MUC4: variants seen among roughly 807,000 people sequenced by gnomAD.
The protein encoded by MUC4 is mucin 4, cell surface associated.
MUC4 carries 202 observed loss-of-function variants against 257.9 expected under a neutral mutation model. That is an observed-to-expected ratio of 0.78 (90% CI 0.70 to 0.88). The LOEUF (loss-of-function observed/expected upper bound fraction) is 0.88, where lower values mean the gene tolerates loss of function less well. Ranked by LOEUF, MUC4 falls within the 40% of genes least tolerant of loss-of-function variation. MUC4 has a pLI of 0.00. For synonymous variants in MUC4, 2,351 were observed against 2,757.1 expected, an observed-to-expected ratio of 0.85 and a Z score of 4.62; for missense variants, 5,976 against 6,513.7, an observed-to-expected ratio of 0.92 and a Z score of 2.84.
Position 195,752,678 on chromosome 3 carries a change from A to T in MUC4, c.15509-232T>A, listed in dbSNP as rs565467341. ...ACAGTGACAGAAGGTCGCTGAGCAA[A>T]CCGGGAGAAGTGGCCCTCACCCTAC... On this transcript the variant is annotated intron_variant, in intron 20 of 24. Coordinates refer to ENST00000463781, the MANE Select transcript of MUC4 (RefSeq NM_018406.7). Among the ~76,000 whole-genome samples, 7 of 152,016 alleles carry T rather than the reference A, an allele frequency of 4.6e-5. No individual in the cohort carries two copies. In the South Asian group the frequency reaches 1.5e-3, roughly 32 times the overall value.
At chr3:195,752,312 C>T (rs115471158) in intron 21 of MUC4, 61 bp downstream of exon 21, 587 of 1,415,658 alleles carry the variant, frequency 4.1e-4, no homozygotes, top group Non-Finnish European at 5.5e-4. Flanking sequence ...GCGATGGTTC[C>T]GCCCTGGCCT....
At chr3:195,759,411 G>T (rs919660363) in intron 16 of MUC4, 150 bp from the exon 17 acceptor site, 4 of 1,101,020 alleles carry the variant, frequency 3.6e-6, no homozygotes, top group Non-Finnish European at 3.9e-6. Flanking sequence ...ACCTGCTCTC[G>T]ACTGACGCAC....
In MUC4 at chr3:195,749,034, C is replaced by T. The variant is rs774101318; in HGVS notation, c.15902G>A (p.Arg5301Lys). The T allele has an allele frequency of 1.2e-6, 2 of 1,606,342 alleles. No homozygotes were observed. The highest frequency in any genetic ancestry group is 8.5e-7 in the Non-Finnish European group (1 of 1,175,438). The change falls in exon 24 of 25, where the codon AGA becomes AAA. Residue 5301 changes from arginine to lysine, a missense_variant. Arg to Lys is a conservative substitution (Grantham distance 26). Coordinates refer to ENST00000463781, the MANE Select transcript of MUC4 (RefSeq NM_018406.7). ...GTCGTAGCCCTTGTAGCCATCGCAT[C>T]TGAAGTAAGCCTTCAGCGTGCTCAC... ...LNVSTLKAYFRCDGYKGYDLV... is the reference protein window; with the variant it reads ...LNVSTLKAYFKCDGYKGYDLV...
intron 19 of MUC4, 52 bp downstream of exon 19, chr3:195,754,161 A>AG: frequency 6.4e-7 from 1 of 1,570,744 alleles, no homozygotes; most frequent in East Asian, 2.3e-5. Context: ...TACACCCTTG[A>AG]GCTATCAGCT....
Position 195,782,506 on chromosome 3 carries a change from A to G in MUC4, c.9074T>C (p.Leu3025Pro), listed in dbSNP as rs1387183073. The G allele has an allele frequency of 4.3e-6, 6 of 1,383,362 alleles. No individual in the cohort carries two copies. The highest frequency in any genetic ancestry group is 2.7e-5 in the East Asian group (1 of 37,168). The allele number at this position is 1,383,362 out of a possible 1,614,324, so 85.7% of individuals were successfully genotyped here. A position where few individuals can be genotyped will look rare whatever the true frequency, so the allele number is the denominator to read the frequency against. Residue 3025 changes from leucine (L) to proline (P), a missense_variant, in exon 2 of 25, where the codon CTT becomes CCT. Physicochemically the swap from Leu to Pro is moderately conservative, Grantham distance 98. Transcript: ENST00000463781. ...TGCTGAGGAAGGGCTGGTGACATGA[A>G]GAGGGGTGGCGTGACCTGTGGATAT... ...SSISTGHATP[L>P]HVTSPSSAST...
intron 5 of MUC4, 52 bp from the exon 6 acceptor site, chr3:195,770,423 C>T: frequency 6.2e-7 from 1 of 1,602,728 alleles, no homozygotes; most frequent in Non-Finnish European, 8.5e-7. Flanking sequence ...CACTCCTACA[C>T]ATGGGCCCCC....
In MUC4 at chr3:195,750,986, C is replaced by T; in HGVS notation, c.15774G>A (p.Glu5258=). The T allele has an allele frequency of 6.2e-7, 1 of 1,614,052 alleles. No individual in the cohort carries two copies. The highest frequency in any genetic ancestry group is 2.2e-5 in the East Asian group (1 of 44,866). The change falls in exon 23 of 25, where the codon GAG becomes GAA. Residue 5258 remains glutamate (E), a synonymous_variant. Transcript: ENST00000463781. ...TCCGTGGAACGTGGTATAAGAACGC[C>T]TCCACCACCGCGGCCAGCAGCTGGT... The part of the protein sequence containing the change: ...LNNQLLAAVV[E]AFLYHVPRRS...
At chr3:195,761,211 G>T (rs538409128) in intron 15 of MUC4, 94 bp from the exon 16 acceptor site, 1 of 1,229,464 alleles carries the variant, frequency 8.1e-7, no homozygotes, top group Non-Finnish European at 1.2e-6. Context: ...GGCTTGGAGC[G>T]GGGCGGTGGG....
chr3:195,754,041 T>TACCTGCCTAGATGATTTCCCAC, intron 19 of MUC4, 172 bp downstream of exon 19: 2 of 881,768 alleles, frequency 2.3e-6, no homozygotes, highest in Non-Finnish European at 3.4e-6. Flanking sequence ...AGATTTCCCA[T>TACCTGCCTAGATGATTTCCCAC]ACCTGCCTAG....
At chr3:195,806,699 T>C (rs919688174) in intron 1 of MUC4, among the ~76,000 whole-genome samples, 2 of 152,212 alleles carry the variant, frequency 1.3e-5, no homozygotes, top group East Asian at 3.8e-4. Flanking sequence ...GTTTGGAGAT[T>C]GCCGAAAGGC....
At position 195,787,229 on chromosome 3, in the gene MUC4, TGG is replaced by T; in HGVS notation, c.4349_4350del (p.Ser1450TyrfsTer35). The T allele has an allele frequency of 6.0e-6, 3 of 500,626 alleles. No individual in the cohort carries two copies. The East Asian group carries it at 9.4e-5, about 16-fold the overall frequency. The allele number at this position is 500,626 out of a possible 1,614,324, so 31.0% of individuals were successfully genotyped here. A position where few individuals can be genotyped will look rare whatever the true frequency, so the allele number is the denominator to read the frequency against. On this transcript the variant is annotated frameshift_variant, in exon 2 of 25. Transcript: ENST00000463781. LOFTEE classifies it high-confidence loss of function. Reference protein sequence around the residue: ...SLPVTIPSAASTGHTTPLPVT... With the variant: ...SLPVTIPSAAXTGHTTPLPVT... ...ACAGGAAGAGGGGTGGTGTGACCTG[TGG>T]ATGCTGCGGAAGGGATGGTTACAGG...
intron 1 of MUC4, among the ~76,000 whole-genome samples, chr3:195,803,051 G>A (rs1735553503): frequency 6.6e-6 from 1 of 151,952 alleles, no homozygotes; most frequent in African/African-American, 2.4e-5. Context: ...CTTACTGTCT[G>A]TATATACTCC....
chr3:195,767,621 TCACCAC>T (rs759760627), intron 7 of MUC4, among the ~76,000 whole-genome samples: 2 of 27,220 alleles, frequency 7.3e-5, no homozygotes, highest in Non-Finnish European at 7.4e-5. Flanking sequence ...GCCACCACCA[TCACCAC>T]CATCACCACC....
rs560343154 is a variant in MUC4 at position 195,779,920 on chromosome 3, G to T, written c.11660C>A (p.Thr3887Asn). ...GLSSASTGDT[T>N]PLPVTDTSSA... ...GGAAGTGTCGGTGACAGGAAGAGGG[G>T]TGGTGTCACCTGTGGAAGCTGAGGA... is the stretch of plus-strand genomic sequence containing the variant. The change falls in exon 2 of 25, where the codon ACC becomes AAC. Residue 3887 changes from threonine to asparagine, a missense_variant. Physicochemically the swap from Thr to Asn is moderately conservative, Grantham distance 65 (BLOSUM62 0). This residue lies in a region of MUC4 where 330 missense variants were observed against 262.0 expected (regional missense o/e 1.26). Transcript: ENST00000463781. 3 of 1,430,634 alleles carry T rather than the reference G, an allele frequency of 2.1e-6. 1 individual carries two copies. The African/African-American group carries it at 6.0e-5, about 29-fold the overall frequency. 88.6% of individuals were successfully genotyped at this position (1,430,634 alleles called of 1,614,324 possible).
rs964376812 is a variant in MUC4 at position 195,764,415 on chromosome 3, A to C, written c.13925-251T>G. ...GCCCTTCTCATGACCTTGGGCAGTGAATAGGGTGCTGTCTCTTTTGCAGGC... is the reference window on the plus strand; with the variant it reads ...GCCCTTCTCATGACCTTGGGCAGTGCATAGGGTGCTGTCTCTTTTGCAGGC... On this transcript the variant is annotated intron_variant, in intron 10 of 24. Transcript: ENST00000463781. 2.0e-5 allele frequency among the ~76,000 whole-genome samples: 3 copies of C among 152,110 alleles called. No individual in the cohort carries two copies. In the East Asian group the frequency reaches 5.8e-4, roughly 29 times the overall value.
rs1733624069 is a variant in MUC4 at position 195,789,778 on chromosome 3, A to G, written c.1802T>C (p.Met601Thr). ...TTGTTGGGATGTGTGTCTATCCAGC[A>G]TAGGTGAAGAAGATGGGGATGTGGC... ...KTATSPSSSPMLDRHTSQQIT... is the reference protein window; with the variant it reads ...KTATSPSSSPTLDRHTSQQIT... The change falls in exon 2 of 25, where the codon ATG becomes ACG. Residue 601 changes from methionine (M) to threonine (T), a missense_variant. Physicochemically the swap from Met to Thr is moderately conservative, Grantham distance 81. Around this residue, in one of 44 missense-constraint regions of MUC4, gnomAD observed 1,583 missense variants for 1,257.4 expected, o/e 1.26. Coordinates refer to ENST00000463781, the MANE Select transcript of MUC4 (RefSeq NM_018406.7). The G allele has an allele frequency of 6.2e-7, 1 of 1,613,872 alleles. No homozygotes were observed. Among genetic ancestry groups the G allele is most frequent in the Non-Finnish European group, 8.5e-7 (1 of 1,179,876 alleles).
intron 24 of MUC4, among the ~76,000 whole-genome samples, chr3:195,748,625 C>T (rs1715657920): frequency 6.6e-6 from 1 of 152,284 alleles, no homozygotes; most frequent in South Asian, 2.1e-4. Context: ...TAACCTACTG[C>T]GTCCTGGGGC....
chr3:195,761,472 G>A lies in MUC4; in HGVS notation c.14614+12C>T. 1 of 1,607,938 alleles carries A rather than the reference G, an allele frequency of 6.2e-7. No homozygotes were observed. The highest frequency in any genetic ancestry group is 8.5e-7 in the Non-Finnish European group (1 of 1,174,502). ...ACCTGCCCCTCTGCCCCAGGACCCT[G>A]CCCAGACTCACAGGTCATTCCAAAG... On this transcript the variant is annotated intron_variant, in intron 15 of 24. Transcript: ENST00000463781.
rs1733858721 is a variant in MUC4, at chr3:195,791,485, T to C, written c.95A>G (p.Asp32Gly). 2 of 1,613,008 alleles carry C rather than the reference T, an allele frequency of 1.2e-6. No individual in the cohort carries two copies. Among genetic ancestry groups the C allele is most frequent in the African/African-American group, 1.3e-5 (1 of 74,978 alleles). ...AGTTTTACTTCCAGTTATTAATGTG[T>C]CCTCTGTGGTTCCTGGAGTGAACCA... ...LPHVVPGTTEDTLITGSKTAA... is the reference protein window; with the variant it reads ...LPHVVPGTTEGTLITGSKTAA... Residue 32 changes from aspartate to glycine, a missense_variant, in exon 2 of 25, where the codon GAC (aspartate) becomes GGC (glycine). By Grantham distance (94) the Asp-to-Gly change is moderately conservative. Coordinates refer to ENST00000463781, the MANE Select transcript of MUC4 (RefSeq NM_018406.7).
Sources: gnomAD v4.1 joint callset for allele counts (sites outside exome capture counted in the v4.1 genomes callset) on GRCh38, gnomAD v4.1.1 for gene constraint, gnomAD v4.1.1 regional missense constraint, MANE v1.5 for transcripts, NCBI Gene and HGNC (gene_info 2026-07-23, HGNC 2026-07-21) for gene names.